The following MMP24 variants were observed in gnomAD, a reference collection of about 807,000 sequenced individuals.
The protein encoded by MMP24 is matrix metallopeptidase 24.
In MMP24, 25 loss-of-function variants were observed where a neutral mutation model predicts 62.8. That is an observed-to-expected ratio of 0.40 (90% confidence interval 0.29 to 0.56). The LOEUF (loss-of-function observed/expected upper bound fraction) is 0.56. Ranked by LOEUF, MMP24 falls within the 20% of genes least tolerant of loss-of-function variation. MMP24 has a pLI of 0.50. For missense variants in MMP24, 634 were observed against 853.6 expected, an observed-to-expected ratio of 0.74 and a Z score of 3.21; for synonymous variants, 319 against 350.5, an observed-to-expected ratio of 0.91 and a Z score of 1.00.
chr20:35,274,499 A>G lies in MMP24; in HGVS notation c.1828A>G (p.Ile610Val). 6.2e-7 allele frequency: 1 copy of G among 1,613,946 alleles called. No individual in the cohort carries two copies. The highest frequency in any genetic ancestry group is 8.5e-7 in the Non-Finnish European group (1 of 1,179,874). The part of the protein sequence containing the change: ...VNAVAVVIPC[I>V]LSLCILVLVY... ...CGCCGTGGCCGTGGTCATCCCCTGC[A>G]TCCTGTCCCTCTGCATCCTGGTGCT... is the stretch of plus-strand genomic sequence containing the variant. Residue 610 changes from isoleucine to valine, a missense_variant, in exon 9 of 9, where the codon ATC (isoleucine) becomes GTC (valine). Physicochemically the swap from Ile to Val is conservative, Grantham distance 29. Coordinates refer to ENST00000246186, the MANE Select transcript of MMP24 (RefSeq NM_006690.4). The surrounding 1 kb of genome is among the most constrained non-coding windows in gnomAD (Gnocchi z 5.1).
chr20:35,244,948 TA>T (rs918450606), intron 1 of MMP24, among the ~76,000 whole-genome samples: 10 of 150,030 alleles, frequency 6.7e-5, no homozygotes, highest in African/African-American at 1.5e-4. Context: ...CTTTTTTATT[TA>T]AAAAAAAAAG....
intron 1 of MMP24, among the ~76,000 whole-genome samples, chr20:35,243,186 G>GA (rs909173360): frequency 8.7e-5 from 13 of 148,828 alleles, no homozygotes; most frequent in East Asian, 7.9e-4. Flanking sequence ...CTCAAAAAAA[G>GA]AAAAAAAAAA....
Position 35,247,001 on chromosome 20 carries a change from T to A in MMP24, c.395+13T>A. 5 of 1,613,978 alleles carry A rather than the reference T, an allele frequency of 3.1e-6. No individual in the cohort carries two copies. Among genetic ancestry groups the A allele is most frequent in the Non-Finnish European group, 4.2e-6 (5 of 1,179,828 alleles). ...AGACAACGATCGAGTAAGATTTCCATAGGACATTGTGCCTTTGAACTTTCT... is the reference window on the plus strand; with the variant it reads ...AGACAACGATCGAGTAAGATTTCCAAAGGACATTGTGCCTTTGAACTTTCT... On this transcript the variant is annotated intron_variant, in intron 2 of 8. Transcript: ENST00000246186.
intron 1 of MMP24, among the ~76,000 whole-genome samples, chr20:35,240,249 G>A (rs1008462935): frequency 7.9e-5 from 12 of 151,986 alleles, no homozygotes; most frequent in African/African-American, 1.5e-4. Flanking sequence ...CCACCACTCC[G>A]GGACTTCTCA....
At chr20:35,265,706 C>T (rs550575089) in intron 5 of MMP24, among the ~76,000 whole-genome samples, 46 of 151,694 alleles carry the variant, frequency 3.0e-4, no homozygotes, top group Non-Finnish European at 5.7e-4. Flanking sequence ...AAGTGAGACC[C>T]CTGTCTCTAC....
chr20:35,228,791 C>A (rs1318229171), intron 1 of MMP24, among the ~76,000 whole-genome samples: 2 of 152,180 alleles, frequency 1.3e-5, no homozygotes, highest in Non-Finnish European at 2.9e-5. Flanking sequence ...CACGAGACCC[C>A]TAGAATAGCC....
intron 2 of MMP24, among the ~76,000 whole-genome samples, chr20:35,248,306 C>CTTTTT (rs11479770): frequency 2.2e-5 from 3 of 136,790 alleles, no homozygotes; most frequent in Non-Finnish European, 3.1e-5. Context: ...TTCCCCCCCC[C>CTTTTT]TTTTTTTTTT....
At chr20:35,245,663 G>T (rs2060510939) in intron 1 of MMP24, among the ~76,000 whole-genome samples, 1 of 151,678 alleles carries the variant, frequency 6.6e-6, no homozygotes, top group Non-Finnish European at 1.5e-5. Context: ...TGGCCAAGCT[G>T]GTCTCGAACT....
chr20:35,261,445 T>C (rs111359130), intron 4 of MMP24, among the ~76,000 whole-genome samples: 21 of 152,196 alleles, frequency 1.4e-4, no homozygotes, highest in African/African-American at 5.1e-4. Flanking sequence ...AGTGAGGACA[T>C]TGAGGCTTAG....
intron 2 of MMP24, 92 bp downstream of exon 2, chr20:35,247,080 C>T: frequency 7.0e-7 from 1 of 1,419,730 alleles, no homozygotes; most frequent in Non-Finnish European, 9.8e-7. Flanking sequence ...CCATGCCCAT[C>T]CTCCCTTCCT....
At chr20:35,252,849 A>AC (rs575126926) in intron 3 of MMP24, among the ~76,000 whole-genome samples, 80 of 124,780 alleles carry the variant, frequency 6.4e-4, no homozygotes, top group African/African-American at 2.3e-3. Context: ...AGGGCCAGGC[A>AC]TGGGCAGGCT....
At chr20:35,261,818 T>TG (rs2060604612) in intron 4 of MMP24, among the ~76,000 whole-genome samples, 1 of 126,116 alleles carries the variant, frequency 7.9e-6, no homozygotes, top group Non-Finnish European at 1.7e-5. Context: ...TTTTTTTTTT[T>TG]GAGATGGAGT....
At chr20:35,247,057 G>C in intron 2 of MMP24, 69 bp downstream of exon 2, 1 of 1,562,536 alleles carries the variant, frequency 6.4e-7, no homozygotes, top group South Asian at 1.1e-5. Context: ...ATTTGTCATG[G>C]CCTGTGTACA....
intron 1 of MMP24, among the ~76,000 whole-genome samples, chr20:35,227,454 G>A (rs946100834): frequency 7.2e-5 from 11 of 152,030 alleles, no homozygotes; most frequent in Non-Finnish European, 1.5e-4. Context: ...GTGGAGGTAG[G>A]ATAGACTTGT....
At chr20:35,231,362 G>A (rs1244523705) in intron 1 of MMP24, among the ~76,000 whole-genome samples, 2 of 152,176 alleles carry the variant, frequency 1.3e-5, no homozygotes, top group East Asian at 1.9e-4. Context: ...GGAGGGGTAA[G>A]AGAGTGACCT....
Position 35,254,743 on chromosome 20 carries a change from C to A in MMP24, c.806C>A (p.Ala269Asp). 6.2e-7 allele frequency: 1 copy of A among 1,611,514 alleles called. No homozygotes were observed. Among genetic ancestry groups the A allele is most frequent in the Non-Finnish European group, 8.5e-7 (1 of 1,178,354 alleles). Residue 269 changes from alanine to aspartate, a missense_variant, in exon 4 of 9, where the codon GCC (alanine) becomes GAC (aspartate). By Grantham distance (126) the Ala-to-Asp change is moderately radical. Around this residue, in one of 3 missense-constraint regions of MMP24, gnomAD observed 399 missense variants for 530.8 expected, o/e 0.75. Transcript: ENST00000246186. ...GATGAGCCATGGACGCTAGGAAATG[C>A]CAACCATGACGGTAAGGCCATGAGG... Reference protein sequence around the residue: ...DSDEPWTLGNANHDGNDLFLV... With the variant: ...DSDEPWTLGNDNHDGNDLFLV...
intron 1 of MMP24, chr20:35,236,265 C>A (rs1378658120): frequency 6.6e-6 from 1 of 152,158 alleles, no homozygotes; most frequent in Non-Finnish European, 1.5e-5. Context: ...TGACAGAAAA[C>A]CCTCTGAGAG....
intron 8 of MMP24, among the ~76,000 whole-genome samples, chr20:35,273,004 G>C (rs958510770): frequency 6.6e-6 from 1 of 152,176 alleles, no homozygotes; most frequent in African/African-American, 2.4e-5. Flanking sequence ...TGGATTGACA[G>C]GATTCATTCA....
At chr20:35,232,587 A>G (rs1275923074) in intron 1 of MMP24, among the ~76,000 whole-genome samples, 1 of 152,200 alleles carries the variant, frequency 6.6e-6, no homozygotes, top group Non-Finnish European at 1.5e-5. Context: ...GGTATCTGAG[A>G]TGAACCTTTG....
Sources: gnomAD v4.1 joint callset for allele counts (sites outside exome capture counted in the v4.1 genomes callset) on GRCh38, gnomAD v4.1.1 for gene constraint, gnomAD v4.1.1 regional missense constraint, Gnocchi (gnomAD v3.1) non-coding constraint, MANE v1.5 for transcripts, NCBI Gene and HGNC (gene_info 2026-07-23, HGNC 2026-07-21) for gene names.